EMC3: variants seen among roughly 807,000 people sequenced by gnomAD.
The protein encoded by EMC3 is ER membrane protein complex subunit 3.
In EMC3, 13 loss-of-function variants were observed where a neutral mutation model predicts 36.6. The observed-to-expected ratio is 0.35, with a 90% CI of 0.23 to 0.56. EMC3 has a LOEUF of 0.56. EMC3 is among the 20% of genes least tolerant of loss of function. The pLI, the probability that EMC3 is intolerant of heterozygous loss-of-function variation, is 0.84. For synonymous variants in EMC3, 120 were observed against 111.9 expected (o/e 1.07, Z -0.46); for missense variants, 220 against 324.5 (o/e 0.68, Z 2.47).
intron 7 of EMC3, among the ~76,000 whole-genome samples, chr3:9,966,395 G>T (rs2085736953): frequency 6.6e-6 from 1 of 151,542 alleles, no homozygotes. Context: ...GCTAATTTTT[G>T]TATTTTTAGT....
intron 1 of EMC3, chr3:10,006,832 T>A (rs2086268232): frequency 2.4e-6 from 1 of 425,202 alleles, no homozygotes; most frequent in African/African-American, 2.1e-5. Context: ...GGCCCTGAGG[T>A]CCAAGAACAT....
chr3:9,992,213 C>T (rs1281213614), intron 1 of EMC3, among the ~76,000 whole-genome samples: 2 of 152,108 alleles, frequency 1.3e-5, no homozygotes, highest in African/African-American at 2.4e-5. Context: ...CTGCACCTCC[C>T]GGGTTCGAGT....
chr3:9,974,716 G>A (rs750878129), intron 3 of EMC3, among the ~76,000 whole-genome samples: 2 of 151,708 alleles, frequency 1.3e-5, no homozygotes, highest in Non-Finnish European at 2.9e-5. Flanking sequence ...CTGCCACCAC[G>A]CCTGGCTAAT....
At chr3:9,978,892 C>T (rs979079565) in intron 1 of EMC3, among the ~76,000 whole-genome samples, 1 of 152,108 alleles carries the variant, frequency 6.6e-6, no homozygotes, top group African/African-American at 2.4e-5. Flanking sequence ...TGTCTCTACT[C>T]AATACAAACC....
At chr3:9,973,843 C>A in intron 4 of EMC3, 134 bp from the exon 5 acceptor site, 2 of 784,618 alleles carry the variant, frequency 2.5e-6, no homozygotes, top group Admixed American at 2.3e-5. Flanking sequence ...AAATCTGTGG[C>A]AATTTCTGAA....
chr3:9,976,936 G>A (rs753898668), intron 3 of EMC3, 21 bp downstream of exon 3: 10 of 1,563,862 alleles, frequency 6.4e-6, no homozygotes, highest in Admixed American at 3.8e-5. Flanking sequence ...CCTTAAAGAT[G>A]AGTGAAGGGA....
chr3:9,987,110 A>G (rs1365680562), upstream of EMC3: 3 of 810,600 alleles, frequency 3.7e-6, no homozygotes, highest in South Asian at 1.5e-4. Flanking sequence ...GCTACTCGGG[A>G]GGCTGAGGCA....
chr3:9,973,951 G>A (rs2085817002), intron 4 of EMC3, among the ~76,000 whole-genome samples: 1 of 152,158 alleles, frequency 6.6e-6, no homozygotes, highest in African/African-American at 2.4e-5. Context: ...GCTGTGACCT[G>A]AAATTTGGAA....
chr3:9,978,232 G>A (rs952124640), intron 1 of EMC3: 1 of 150,230 alleles, frequency 6.7e-6, no homozygotes, highest in Non-Finnish European at 1.4e-5. Flanking sequence ...CTACTCAGGA[G>A]GCTGCAGTAG....
upstream of EMC3, among the ~76,000 whole-genome samples, chr3:9,990,438 G>A (rs1038012920): frequency 6.9e-6 from 1 of 145,808 alleles, no homozygotes; most frequent in Non-Finnish European, 1.5e-5. Flanking sequence ...GGGTTCAAGC[G>A]ATCCCCCCAC....
At chr3:9,972,832 C>CTT (rs113982519) in intron 5 of EMC3, among the ~76,000 whole-genome samples, 8 of 141,978 alleles carry the variant, frequency 5.6e-5, no homozygotes, top group Non-Finnish European at 9.2e-5. Context: ...AAATCCTCAT[C>CTT]TTTTTTTTTT....
chr3:10,000,865 G>A (rs141076930), intron 1 of EMC3: 4 of 483,932 alleles, frequency 8.3e-6, no homozygotes, highest in African/African-American at 7.9e-5. Flanking sequence ...ATTAGGCCTA[G>A]TCTTGTGCTT....
At chr3:9,992,214 G>A (rs1205048844) in intron 1 of EMC3, among the ~76,000 whole-genome samples, 1 of 152,042 alleles carries the variant, frequency 6.6e-6, no homozygotes, top group Non-Finnish European at 1.5e-5. Context: ...TGCACCTCCC[G>A]GGTTCGAGTC....
At chr3:9,999,598 C>A (rs1354803562) in intron 1 of EMC3, among the ~76,000 whole-genome samples, 1 of 152,002 alleles carries the variant, frequency 6.6e-6, no homozygotes, top group Non-Finnish European at 1.5e-5. Context: ...TATTTTGAGT[C>A]GTATGATCAC....
chr3:9,988,615 C>T, upstream of EMC3: 1 of 902,676 alleles, frequency 1.1e-6, no homozygotes, highest in Non-Finnish European at 1.8e-6. Context: ...CATATGGACA[C>T]ATTGGCTCTT....
At chr3:9,986,185 A>G (rs2085969828) in intron 1 of EMC3, among the ~76,000 whole-genome samples, 1 of 152,168 alleles carries the variant, frequency 6.6e-6, no homozygotes, top group African/African-American at 2.4e-5. Context: ...GGTGGGATGG[A>G]ATAGTTCATA....
intron 1 of EMC3, chr3:10,006,699 A>G (rs1292277597): frequency 1.5e-5 from 3 of 196,172 alleles, no homozygotes; most frequent in African/African-American, 2.4e-5. Flanking sequence ...GGGAGGAGGA[A>G]GAGGTTTTGA....
At chr3:9,996,692 A>ATTT (rs2086130082) in intron 1 of EMC3, among the ~76,000 whole-genome samples, 2 of 152,188 alleles carry the variant, frequency 1.3e-5, no homozygotes, top group Admixed American at 6.5e-5. Context: ...AACATATAGA[A>ATTT]GAGTATCCAG....
intron 1 of EMC3, among the ~76,000 whole-genome samples, chr3:9,999,221 A>T (rs1182302255): frequency 6.6e-6 from 1 of 151,128 alleles, no homozygotes; most frequent in Non-Finnish European, 1.5e-5. Flanking sequence ...AAAAGTATTT[A>T]GTTTCGATAA....
Sources: allele counts gnomAD v4.1 joint callset (sites outside exome capture counted in the v4.1 genomes callset), GRCh38; gene constraint gnomAD v4.1.1; transcripts MANE v1.5; gene names NCBI Gene and HGNC (gene_info 2026-07-23, HGNC 2026-07-21).